Variants in ZC3H12D observed in about 807,000 individuals in gnomAD.
The protein encoded by ZC3H12D is zinc finger CCCH-type containing 12D, also known as probable ribonuclease ZC3H12D.
Under a neutral mutation model 24.2 loss-of-function variants are expected in ZC3H12D, and 11 were observed. The ratio of observed to expected loss-of-function variants is 0.46; its 90% CI spans 0.29 to 0.75. The LOEUF (loss-of-function observed/expected upper bound fraction) is 0.75, where lower values mean the gene tolerates loss of function less well. ZC3H12D is among the 30% of genes least tolerant of loss of function. The probability of loss-of-function intolerance (pLI) is 0.11; values close to 1 mark genes in which losing one functional copy is unlikely to be tolerated. For missense variants in ZC3H12D, 740 were observed against 767.7 expected, an observed-to-expected ratio of 0.96 and a Z score of 0.43; for synonymous variants, 333 against 341.8, an observed-to-expected ratio of 0.97 and a Z score of 0.28.
In ZC3H12D at chr6:149,452,834, G is replaced by A. The variant is rs572702287; in HGVS notation, c.681-112C>T. On this transcript the variant is annotated intron_variant, in intron 4 of 5. Transcript: ENST00000409806. This position sits in a 1 kb window ranked among gnomAD's most constrained non-coding sequence, Gnocchi z 4.0. The stretch of plus-strand genomic sequence containing the variant: ...AGAACACCAGGAAGCATTCGGCCCC[G>A]GGCCCACCATCACCCAGCAGGATGT... 26 of 907,780 alleles carry A rather than the reference G, an allele frequency of 2.9e-5. No individual in the cohort carries two copies. The highest frequency in any genetic ancestry group is 5.0e-5 in the African/African-American group (3 of 60,428). 56.2% of individuals were successfully genotyped at this position (907,780 alleles called of 1,614,324 possible). A position where few individuals can be genotyped will look rare whatever the true frequency, so the allele number is the denominator to read the frequency against.
Position 149,456,637 on chromosome 6 carries a change from C to CCGGGGG in ZC3H12D, c.680+28_680+29insCCCCCG. The CCGGGGG allele has an allele frequency of 6.4e-7, 1 of 1,554,906 alleles. No individual in the cohort carries two copies. Among genetic ancestry groups the CCGGGGG allele is most frequent in the Non-Finnish European group, 8.8e-7 (1 of 1,130,046 alleles). On this transcript the variant is annotated intron_variant, in intron 4 of 5. Transcript: ENST00000409806. The surrounding 1 kb of genome is among the most constrained non-coding windows in gnomAD (Gnocchi z 4.3). ...CCCGGCCCCCCGCCCCGCCGCCCCC[C>CCGGGGG]AGGGTGTCAGGACCCCAGCCGGACC...
chr6:149,468,419 T>C (rs1776194267), intron 2 of ZC3H12D, among the ~76,000 whole-genome samples: 1 of 152,166 alleles, frequency 6.6e-6, no homozygotes, highest in African/African-American at 2.4e-5. Context: ...GACAATCCAA[T>C]TGTACACCAC....
In ZC3H12D at chr6:149,451,117, G is replaced by C. The variant is rs1464058235; in HGVS notation, c.1150C>G (p.Arg384Gly). 1.5e-6 allele frequency: 2 copies of C among 1,347,542 alleles called. No homozygotes were observed. The highest frequency in any genetic ancestry group is 1.5e-5 in the African/African-American group (1 of 64,818). 83.5% of individuals were successfully genotyped at this position (1,347,542 alleles called of 1,614,324 possible). The stretch of plus-strand genomic sequence containing the variant: ...GGGAGGCTGAGCGGGCCTGGCACCC[G>C]GCCGCCCGCGGACACCCAGTCGGGC... ...GGPDWVSAGG[R>G]VPGPLSLPSP... Residue 384 changes from arginine to glycine, a missense_variant, in exon 6 of 6, where the codon CGG (arginine) becomes GGG (glycine). Transcript: ENST00000409806.
chr6:149,478,309 A>G (rs1312248323), intron 1 of ZC3H12D, among the ~76,000 whole-genome samples: 1 of 152,194 alleles, frequency 6.6e-6, no homozygotes, highest in Non-Finnish European at 1.5e-5. Flanking sequence ...ATGCAGAAGC[A>G]GGTATGAGAA....
chr6:149,482,825 T>C (rs1164458622), intron 1 of ZC3H12D, among the ~76,000 whole-genome samples: 1 of 152,148 alleles, frequency 6.6e-6, no homozygotes, highest in African/African-American at 2.4e-5. Context: ...GGGAGGAAAC[T>C]GAGGCAAAGA....
intron 3 of ZC3H12D, chr6:149,459,464 T>C: frequency 1.6e-6 from 1 of 637,098 alleles, no homozygotes; most frequent in South Asian, 1.9e-5. Context: ...GAGAGGATTG[T>C]ATTGATTGTG....
Position 149,461,807 on chromosome 6 carries a change from G to A in ZC3H12D, c.445+24C>T, listed in dbSNP as rs1776077482. 3.2e-6 allele frequency: 5 copies of A among 1,547,666 alleles called. No individual in the cohort carries two copies. In the East Asian group the frequency reaches 9.8e-5, roughly 30 times the overall value. ...CAAGGAAACGTGTCTAGTACCTCTT[G>A]AGCATACATCTGCTCCAGCATACCT... On this transcript the variant is annotated intron_variant, in intron 3 of 5. Coordinates refer to ENST00000409806, the MANE Select transcript of ZC3H12D (RefSeq NM_207360.3).
intron 4 of ZC3H12D, among the ~76,000 whole-genome samples, chr6:149,454,926 G>A (rs1434044895): frequency 1.3e-5 from 2 of 152,234 alleles, no homozygotes; most frequent in Non-Finnish European, 2.9e-5. Flanking sequence ...CGGCTGCAGG[G>A]GCAGTTGGCC....
chr6:149,458,126 T>TTTTG (rs1776015585), intron 3 of ZC3H12D, among the ~76,000 whole-genome samples: 1 of 123,348 alleles, frequency 8.1e-6, no homozygotes, highest in African/African-American at 3.8e-5. Flanking sequence ...TTTTTTTCGT[T>TTTTG]TCTTTTTTTT....
At chr6:149,454,883 C>T (rs370723073) in intron 4 of ZC3H12D, among the ~76,000 whole-genome samples, 25 of 152,366 alleles carry the variant, frequency 1.6e-4, no homozygotes, top group African/African-American at 3.4e-4. Flanking sequence ...TCCTGCAGGG[C>T]GCTGCTGCCA....
chr6:149,451,022 G>C lies in ZC3H12D; in HGVS notation c.1245C>G (p.Gly415=). 1 of 1,446,866 alleles carries C rather than the reference G, an allele frequency of 6.9e-7. No individual in the cohort carries two copies. Among genetic ancestry groups the C allele is most frequent in the East Asian group, 2.6e-5 (1 of 38,446 alleles). The allele number at this position is 1,446,866 out of a possible 1,614,324, so 89.6% of individuals were successfully genotyped here. ...PPPGLQLQPR[G]EHRPRDLHGD... is the part of the protein sequence containing the mutation. ...CGTGCAGGTCCCTAGGGCGGTGTTC[G>C]CCCCGCGGCTGGAGCTGCAGGCCGG... Residue 415 remains glycine (G), a synonymous_variant, in exon 6 of 6, where the codon GGC becomes GGG. Transcript: ENST00000409806.
At chr6:149,469,230 G>T (rs1776206615) in intron 2 of ZC3H12D, among the ~76,000 whole-genome samples, 1 of 152,188 alleles carries the variant, frequency 6.6e-6, no homozygotes, top group Non-Finnish European at 1.5e-5. Flanking sequence ...GGCCGAGGCG[G>T]GTGGATCACT....
At chr6:149,466,689 A>G (rs2115008292) in intron 2 of ZC3H12D, among the ~76,000 whole-genome samples, 1 of 152,258 alleles carries the variant, frequency 6.6e-6, no homozygotes, top group South Asian at 2.1e-4. Flanking sequence ...CAGCCTAACC[A>G]ACATGGTGAA....
chr6:149,461,629 A>T, intron 3 of ZC3H12D: 1 of 403,882 alleles, frequency 2.5e-6, no homozygotes, highest in Non-Finnish European at 4.3e-6. Context: ...TACTTGTTGA[A>T]TACCAGGTGT....
At chr6:149,476,401 G>T (rs1720678434) in intron 1 of ZC3H12D, among the ~76,000 whole-genome samples, 1 of 152,152 alleles carries the variant, frequency 6.6e-6, no homozygotes, top group South Asian at 2.1e-4. Flanking sequence ...CTACTTGGGA[G>T]GCTGAGGCAG....
Position 149,450,528 on chromosome 6 carries a change from C to G in ZC3H12D, c.*155G>C, listed in dbSNP as rs368031027. The G allele has an allele frequency of 1.2e-6, 1 of 828,106 alleles. No homozygotes were observed. The highest frequency in any genetic ancestry group is 1.8e-6 in the Non-Finnish European group (1 of 559,292). The allele number at this position is 828,106 out of a possible 1,614,324, so 51.3% of individuals were successfully genotyped here. On this transcript the variant is annotated 3_prime_UTR_variant, in exon 6 of 6. Transcript: ENST00000409806. ...CCAAGTGCCACCAGGCCCCCACAAC[C>G]CCGCTCAGGAGGAGGAAGCAGGCTT...
At position 149,454,013 on chromosome 6, in the gene ZC3H12D, A is replaced by AC. The variant is rs1775941133; in HGVS notation, c.681-1292_681-1291insG. Among the ~76,000 whole-genome samples, 3 of 152,360 alleles carry AC rather than the reference A, an allele frequency of 2.0e-5. No homozygotes were observed. In the East Asian group the frequency reaches 5.8e-4, roughly 29 times the overall value. On this transcript the variant is annotated intron_variant, in intron 4 of 5. Transcript: ENST00000409806. Reference sequence around the variant, plus strand: ...GTGAACCTCCAGGCGAAGAGATTCAATAGGAACAGGGAGTTTGAATCAGTG... The same window carrying AC: ...GTGAACCTCCAGGCGAAGAGATTCAACTAGGAACAGGGAGTTTGAATCAGTG...
At chr6:149,451,524 G>A (rs1281100787) in intron 5 of ZC3H12D, 45 bp from the exon 6 acceptor site, 2 of 1,478,632 alleles carry the variant, frequency 1.4e-6, no homozygotes, top group Non-Finnish European at 9.0e-7. Context: ...AGGCCCGGGG[G>A]CGCGGAGGGG....
At chr6:149,471,531 G>A in intron 2 of ZC3H12D, among the ~76,000 whole-genome samples, 1 of 152,208 alleles carries the variant, frequency 6.6e-6, no homozygotes, top group Non-Finnish European at 1.5e-5. Context: ...CTATGTCAGT[G>A]GGTTATCATA....
Sources: allele counts gnomAD v4.1 joint callset (sites outside exome capture counted in the v4.1 genomes callset), GRCh38; gene constraint gnomAD v4.1.1; non-coding constraint Gnocchi (gnomAD v3.1); transcripts MANE v1.5; gene names NCBI Gene and HGNC (gene_info 2026-07-23, HGNC 2026-07-21).